FARP2: variants seen among roughly 807,000 people sequenced by gnomAD.
FARP2 encodes the protein FERM, ARHGEF and pleckstrin domain-containing protein 2.
FARP2 carries 111 observed loss-of-function variants against 130.5 expected under a neutral mutation model. That is an observed-to-expected ratio of 0.85 (90% CI 0.73 to 1.00). FARP2 has a LOEUF of 1.00. Among genes scored for constraint, FARP2 ranks in the 50% least tolerant of loss-of-function variants. The pLI, the probability that FARP2 is intolerant of heterozygous loss-of-function variation, is 0.00. For missense variants in FARP2, 1,385 were observed against 1,346.3 expected, an observed-to-expected ratio of 1.03 and a Z score of -0.45; for synonymous variants, 504 against 516.9, an observed-to-expected ratio of 0.98 and a Z score of 0.34.
At chr2:241,468,847 A>G (rs1183741445) in intron 18 of FARP2, among the ~76,000 whole-genome samples, 2 of 152,260 alleles carry the variant, frequency 1.3e-5, no homozygotes, top group Non-Finnish European at 2.9e-5. Context: ...AGTTTTTAAC[A>G]TAGGCAGCCT....
At chr2:241,401,337 G>T (rs2062161744) in intron 2 of FARP2, among the ~76,000 whole-genome samples, 1 of 152,162 alleles carries the variant, frequency 6.6e-6, no homozygotes, top group Non-Finnish European at 1.5e-5. Context: ...TAGAAGTGAA[G>T]AAGTAAGAAT....
At chr2:241,442,192 G>C (rs1178835417) in intron 13 of FARP2, 1 of 455,500 alleles carries the variant, frequency 2.2e-6, no homozygotes, top group Admixed American at 2.4e-5. Context: ...GCCACTACGT[G>C]GTGGGCTGTC....
At position 241,436,477 on chromosome 2, in the gene FARP2, G is replaced by A. The variant is rs201922003; in HGVS notation, c.1101-4G>A. ...TTTCTCACAGCTCGTCCTCTGTTTTGCAGAAGGCACAGCAAGACCCACACG... is the reference window on the plus strand; with the variant it reads ...TTTCTCACAGCTCGTCCTCTGTTTTACAGAAGGCACAGCAAGACCCACACG... On this transcript the variant is annotated splice_region_variant and splice_polypyrimidine_tract_variant and intron_variant, in intron 11 of 26. Transcript: ENST00000264042. The A allele has an allele frequency of 2.5e-6, 4 of 1,614,086 alleles. No individual in the cohort carries two copies. The highest frequency in any genetic ancestry group is 2.7e-5 in the African/African-American group (2 of 75,038).
At chr2:241,483,058 AC>A (rs1332569519) in intron 19 of FARP2, among the ~76,000 whole-genome samples, 1 of 151,654 alleles carries the variant, frequency 6.6e-6, no homozygotes, top group African/African-American at 2.4e-5. Flanking sequence ...ACTTAGGAGA[AC>A]CCTCCTTTCC....
chr2:241,474,529 G>A (rs547265569), intron 18 of FARP2, among the ~76,000 whole-genome samples: 4 of 151,636 alleles, frequency 2.6e-5, no homozygotes, highest in African/African-American at 7.3e-5. Context: ...GGTGGGTCAC[G>A]CTTATAATCC....
At chr2:241,485,386 C>T (rs1353458974) in intron 21 of FARP2, among the ~76,000 whole-genome samples, 1 of 151,388 alleles carries the variant, frequency 6.6e-6, no homozygotes, top group East Asian at 1.9e-4. Context: ...TGGCATCTTC[C>T]CTCCCTGTGG....
At chr2:241,410,898 G>A (rs1038492899) in intron 5 of FARP2, 135 bp from the exon 6 acceptor site, 4 of 619,970 alleles carry the variant, frequency 6.5e-6, no homozygotes, top group South Asian at 3.8e-5. Flanking sequence ...TTTCGTGACC[G>A]CCTTGCGTTT....
chr2:241,414,182 C>T (rs2062604093), intron 7 of FARP2, among the ~76,000 whole-genome samples: 1 of 152,182 alleles, frequency 6.6e-6, no homozygotes, highest in African/African-American at 2.4e-5. Flanking sequence ...GCCTTCATCT[C>T]ATCTTGTTTT....
Position 241,494,714 on chromosome 2 carries a change from C to T in FARP2, c.*589C>T, listed in dbSNP as rs1268064664. On this transcript the variant is annotated 3_prime_UTR_variant, in exon 27 of 27. Transcript: ENST00000264042. The surrounding 1 kb of genome is among the most constrained non-coding windows in gnomAD (Gnocchi z 4.9). ...CTCTAGAGAAGCAGAAACCAAAGTC[C>T]CCCTGTGCCCTGGGAGGGTGGGGCC... The T allele has an allele frequency of 6.6e-6, 1 of 152,242 alleles. No homozygotes were observed. Among genetic ancestry groups the T allele is most frequent in the African/African-American group, 2.4e-5 (1 of 41,448 alleles). The allele number at this position is 152,242 out of a possible 1,614,324, so 9.4% of individuals were successfully genotyped here. A position where few individuals can be genotyped will look rare whatever the true frequency, so the allele number is the denominator to read the frequency against.
chr2:241,373,182 A>G lies in FARP2; in HGVS notation c.75A>G (p.Gly25=), dbSNP rs1226230951. Residue 25 remains glycine (G), a synonymous_variant, in exon 2 of 27, where the codon GGA becomes GGG. Coordinates refer to ENST00000264042, the MANE Select transcript of FARP2 (RefSeq NM_014808.4). ...GMRLGAQTPV[G]VSTLEPGQTL... ...GCTTGGGTGCCCAGACCCCTGTGGG[A>G]GTTAGCACCCTTGAGCCTGGGCAGA... 6.3e-7 allele frequency: 1 copy of G among 1,580,466 alleles called. No individual in the cohort carries two copies. Among genetic ancestry groups the G allele is most frequent in the Non-Finnish European group, 8.6e-7 (1 of 1,158,294 alleles).
At chr2:241,377,902 C>G (rs1279078879) in intron 2 of FARP2, among the ~76,000 whole-genome samples, 1 of 152,116 alleles carries the variant, frequency 6.6e-6, no homozygotes, top group African/African-American at 2.4e-5. Context: ...CATGGGAAAT[C>G]TAGGTCTAAT....
At chr2:241,434,894 G>A (rs2063183777) in intron 10 of FARP2, 68 bp from the exon 11 acceptor site, 1 of 952,070 alleles carries the variant, frequency 1.1e-6, no homozygotes, top group African/African-American at 1.7e-5. Context: ...CTTTTCTTTT[G>A]TCTTTTACTC....
At chr2:241,407,933 A>C (rs1014715725) in intron 5 of FARP2, among the ~76,000 whole-genome samples, 3 of 152,248 alleles carry the variant, frequency 2.0e-5, no homozygotes, top group African/African-American at 7.2e-5. Flanking sequence ...GATTTTGCTC[A>C]TATATACTTA....
intron 2 of FARP2, among the ~76,000 whole-genome samples, chr2:241,392,941 T>C (rs1468519629): frequency 6.8e-6 from 1 of 146,234 alleles, no homozygotes; most frequent in African/African-American, 2.5e-5. Flanking sequence ...AGACTCCATC[T>C]CAAAAAAGAA....
chr2:241,450,512 G>A (rs546251833), intron 13 of FARP2, among the ~76,000 whole-genome samples: 4 of 151,460 alleles, frequency 2.6e-5, no homozygotes, highest in East Asian at 3.9e-4. Context: ...CTAAAAATAC[G>A]AAAATTAGCT....
intron 13 of FARP2, chr2:241,445,060 GCTGGGA>G (rs1400700777): frequency 6.6e-6 from 1 of 152,120 alleles, no homozygotes. Flanking sequence ...CTCCTGAGTA[GCTGGGA>G]CTACAGGCAC....
intron 25 of FARP2, 93 bp downstream of exon 25, chr2:241,493,129 C>A: frequency 8.8e-7 from 1 of 1,135,046 alleles, no homozygotes. Flanking sequence ...TTTGGTTCTG[C>A]CCTCCCATGC....
At chr2:241,410,891 C>T (rs1387270077) in intron 5 of FARP2, 142 bp from the exon 6 acceptor site, 4 of 606,970 alleles carry the variant, frequency 6.6e-6, no homozygotes, top group Admixed American at 2.7e-5. Context: ...TTTGCTGTTT[C>T]GTGACCGCCT....
intron 2 of FARP2, among the ~76,000 whole-genome samples, chr2:241,395,161 C>T (rs753365084): frequency 6.6e-6 from 1 of 152,140 alleles, no homozygotes; most frequent in Non-Finnish European, 1.5e-5. Flanking sequence ...AGCCTCTGCC[C>T]TTAGGACGGT....
Sources: gnomAD v4.1 joint callset for allele counts (sites outside exome capture counted in the v4.1 genomes callset) on GRCh38, gnomAD v4.1.1 for gene constraint, Gnocchi (gnomAD v3.1) non-coding constraint, MANE v1.5 for transcripts, NCBI Gene and HGNC (gene_info 2026-07-23, HGNC 2026-07-21) for gene names.